Variants in PTPRS observed in about 807,000 individuals in gnomAD.
PTPRS encodes receptor-type tyrosine-protein phosphatase S.
A neutral mutation model predicts 215.3 loss-of-function variants in PTPRS; 63 were observed. That is an observed-to-expected ratio of 0.29 (90% CI 0.24 to 0.36). PTPRS has a LOEUF of 0.36. Ranked by LOEUF, PTPRS falls within the 10% of genes least tolerant of loss-of-function variation. PTPRS has a pLI of 1.00. For missense variants in PTPRS, 2,258 were observed against 2,825.8 expected (o/e 0.80, Z 4.56); for synonymous variants, 1,404 against 1,191.4 (o/e 1.18, Z -3.68).
At chr19:5,218,319 T>A in intron 25 of PTPRS, 101 bp downstream of exon 25, 1 of 942,142 alleles carries the variant, frequency 1.1e-6, no homozygotes, top group Non-Finnish European at 1.7e-6. Context: ...CAAGCATAGT[T>A]CAGAGGGGGC....
intron 11 of PTPRS, 37 bp downstream of exon 11, chr19:5,243,864 G>A (rs1314836716): frequency 1.2e-5 from 17 of 1,438,260 alleles, no homozygotes; most frequent in South Asian, 2.9e-5. Flanking sequence ...CAAGCCGCAC[G>A]GCCGGGGCCC....
At chr19:5,275,144 C>T (rs1288369858) in intron 2 of PTPRS, among the ~76,000 whole-genome samples, 1 of 150,134 alleles carries the variant, frequency 6.7e-6, no homozygotes, top group Non-Finnish European at 1.5e-5. Flanking sequence ...GATCTCGGCT[C>T]ACTGCAACTT....
chr19:5,311,982 G>T (rs187993622), intron 1 of PTPRS, among the ~76,000 whole-genome samples: 1 of 151,964 alleles, frequency 6.6e-6, no homozygotes, highest in Non-Finnish European at 1.5e-5. Context: ...GGAGCTTGCA[G>T]TGAGCCGAGA....
Position 5,205,557 on chromosome 19 carries a change from G to T in PTPRS, c.*1217C>A, listed in dbSNP as rs1303712394. Reference sequence around the variant, plus strand: ...AGTCGATATATCTACATACACGGGGGTGGGAAAACCACCCGGCTGCTTCCG... The same window carrying T: ...AGTCGATATATCTACATACACGGGGTTGGGAAAACCACCCGGCTGCTTCCG... On this transcript the variant is annotated 3_prime_UTR_variant, in exon 38 of 38. Transcript: ENST00000262963. Among the ~76,000 whole-genome samples the T allele has an allele frequency of 6.6e-6, 1 of 152,244 alleles. No individual in the cohort carries two copies. Among genetic ancestry groups the T allele is most frequent in the Non-Finnish European group, 1.5e-5 (1 of 68,042 alleles).
chr19:5,340,378 G>A (rs1368853864), intron 1 of PTPRS, among the ~76,000 whole-genome samples: 9 of 151,112 alleles, frequency 6.0e-5, no homozygotes, highest in African/African-American at 1.5e-4. Context: ...TTCCAGCCCA[G>A]CCCCCTCCCA....
chr19:5,221,861 T>A (rs531859124), intron 19 of PTPRS, among the ~76,000 whole-genome samples: 7 of 152,270 alleles, frequency 4.6e-5, no homozygotes, highest in Admixed American at 4.6e-4. Flanking sequence ...TGAACCTCAA[T>A]CCCAGCTAAG....
intron 4 of PTPRS, 90 bp downstream of exon 4, chr19:5,273,352 G>C (rs377204712): frequency 6.3e-7 from 1 of 1,584,716 alleles, no homozygotes; most frequent in Non-Finnish European, 8.7e-7. Context: ...AAGCAGGAGG[G>C]TTTGGGGTAA....
chr19:5,296,480 G>A (rs978604995), intron 1 of PTPRS, among the ~76,000 whole-genome samples: 5 of 152,250 alleles, frequency 3.3e-5, no homozygotes, highest in Admixed American at 6.5e-5. Flanking sequence ...CAGCCTGGGC[G>A]ACAGAGCGAG....
chr19:5,300,510 C>T (rs1222254457), intron 1 of PTPRS, among the ~76,000 whole-genome samples: 1 of 151,902 alleles, frequency 6.6e-6, no homozygotes, highest in Non-Finnish European at 1.5e-5. Flanking sequence ...GTGGCTTACA[C>T]CTGTAATCCC....
intron 1 of PTPRS, among the ~76,000 whole-genome samples, chr19:5,296,153 T>C (rs573992312): frequency 6.6e-6 from 1 of 152,238 alleles, no homozygotes. Flanking sequence ...ATCCCTGCCC[T>C]CAGGGTGTGG....
At chr19:5,252,524 C>G (rs2045203242) in intron 9 of PTPRS, among the ~76,000 whole-genome samples, 1 of 144,672 alleles carries the variant, frequency 6.9e-6, no homozygotes, top group Admixed American at 7.2e-5. Context: ...TTGCAGTGAG[C>G]CGAGATTGCG....
chr19:5,266,696 G>A (rs948109730), intron 4 of PTPRS, among the ~76,000 whole-genome samples: 14 of 151,954 alleles, frequency 9.2e-5, no homozygotes, highest in Non-Finnish European at 1.8e-4. Context: ...CTGCTCCCCC[G>A]CTGTACACCC....
chr19:5,275,073 C>CT (rs5826878), intron 2 of PTPRS, among the ~76,000 whole-genome samples: 47 of 144,666 alleles, frequency 3.2e-4, no homozygotes, highest in Admixed American at 3.4e-4. Context: ...ATTTTCTTTT[C>CT]TTTTTTTTTT....
rs746693147 is a variant in PTPRS, at chr19:5,274,226, G to A, written c.210C>T (p.Gly70=). 2 of 1,613,990 alleles carry A rather than the reference G, an allele frequency of 1.2e-6. No individual in the cohort carries two copies. The highest frequency in any genetic ancestry group is 1.1e-5 in the South Asian group (1 of 91,072). ...PKPRVTWNKK[G]KKVNSQRFET... is the part of the protein sequence containing the mutation. ...CAAAGCGCTGAGAGTTGACCTTCTT[G>A]CCCTTCTTGTTCCAGGTCACTCGTG... The change falls in exon 3 of 38, where the codon GGC becomes GGT. Residue 70 remains glycine, a synonymous_variant. Transcript: ENST00000262963.
chr19:5,257,925 G>C lies in PTPRS; in HGVS notation c.706+92C>G. 8.9e-7 allele frequency: 1 copy of C among 1,124,890 alleles called. No individual in the cohort carries two copies. The highest frequency in any genetic ancestry group is 1.3e-6 in the Non-Finnish European group (1 of 769,664). The allele number at this position is 1,124,890 out of a possible 1,614,324, so 69.7% of individuals were successfully genotyped here. On this transcript the variant is annotated intron_variant, in intron 8 of 37. Transcript: ENST00000262963. This position sits in a 1 kb window ranked among gnomAD's most constrained non-coding sequence, Gnocchi z 4.4. Reference sequence around the variant, plus strand: ...GGGCCTTCCTGCTTGGGTGTGCAGGGGACGGGGGAGCCCGGAGGCGGTGAG... The same window carrying C: ...GGGCCTTCCTGCTTGGGTGTGCAGGCGACGGGGGAGCCCGGAGGCGGTGAG...
chr19:5,327,096 G>C (rs2050189398), intron 1 of PTPRS, among the ~76,000 whole-genome samples: 2 of 152,192 alleles, frequency 1.3e-5, no homozygotes, highest in Admixed American at 1.3e-4. Context: ...GCTCCTGCCA[G>C]CGTGGCAGCC....
intron 1 of PTPRS, among the ~76,000 whole-genome samples, chr19:5,330,746 G>C (rs565556328): frequency 6.6e-6 from 1 of 152,208 alleles, no homozygotes; most frequent in Non-Finnish European, 1.5e-5. Flanking sequence ...AACCTGGGGC[G>C]TTCAGACCCC....
In PTPRS at chr19:5,320,277, G is replaced by A. The variant is rs996870184; in HGVS notation, c.-95+20387C>T. 9.9e-5 allele frequency among the ~76,000 whole-genome samples: 15 copies of A among 152,102 alleles called. No individual in the cohort carries two copies. In the South Asian group the frequency reaches 1.0e-3, roughly 11 times the overall value. On this transcript the variant is annotated intron_variant, in intron 1 of 37. Coordinates refer to ENST00000262963, the MANE Select transcript of PTPRS (RefSeq NM_002850.4). Reference sequence around the variant, plus strand: ...TGGCCTTGGCTGGACAGGTCCCTCCGGCAGGTTTAATCCCTGCCCCAGTGG... The same window carrying A: ...TGGCCTTGGCTGGACAGGTCCCTCCAGCAGGTTTAATCCCTGCCCCAGTGG...
At chr19:5,229,403 T>C (rs2042816197) in intron 15 of PTPRS, 61 bp from the exon 16 acceptor site, 3 of 1,349,422 alleles carry the variant, frequency 2.2e-6, no homozygotes, top group Non-Finnish European at 1.9e-6. Context: ...AGGCCAGAGA[T>C]GGAGAAAGAG....
Sources: gnomAD v4.1 joint callset for allele counts (sites outside exome capture counted in the v4.1 genomes callset) on GRCh38, gnomAD v4.1.1 for gene constraint, Gnocchi (gnomAD v3.1) non-coding constraint, MANE v1.5 for transcripts, NCBI Gene and HGNC (gene_info 2026-07-23, HGNC 2026-07-21) for gene names.